SYNDIG1: variants seen among roughly 807,000 people sequenced by gnomAD.
SYNDIG1 encodes the protein synapse differentiation-inducing gene protein 1.
A neutral mutation model predicts 19.4 loss-of-function variants in SYNDIG1; 9 were observed. That is an observed-to-expected ratio of 0.46 (90% CI 0.28 to 0.81). The LOEUF (loss-of-function observed/expected upper bound fraction) is 0.81. Ranked by LOEUF, SYNDIG1 falls within the 30% of genes least tolerant of loss-of-function variation. The pLI is 0.12. For missense variants in SYNDIG1, 311 were observed against 343.3 expected (o/e 0.91, Z 0.74); for synonymous variants, 141 against 145.9 (o/e 0.97, Z 0.24).
intron 2 of SYNDIG1, among the ~76,000 whole-genome samples, chr20:24,545,541 G>T (rs537387685): frequency 6.6e-6 from 1 of 152,226 alleles, no homozygotes; most frequent in South Asian, 2.1e-4. Context: ...GAGGGTCTGG[G>T]GCCCTGAGCT....
chr20:24,567,912 T>A (rs2058078964), intron 2 of SYNDIG1, among the ~76,000 whole-genome samples: 1 of 152,152 alleles, frequency 6.6e-6, no homozygotes, highest in Non-Finnish European at 1.5e-5. Flanking sequence ...GACAGGAGGA[T>A]CATCTGAGGT....
intron 2 of SYNDIG1, among the ~76,000 whole-genome samples, chr20:24,572,487 C>T (rs1283081303): frequency 6.6e-6 from 1 of 152,220 alleles, no homozygotes; most frequent in Non-Finnish European, 1.5e-5. Flanking sequence ...GGGCTGGTGA[C>T]TTTGGCCACT....
intron 3 of SYNDIG1, among the ~76,000 whole-genome samples, chr20:24,590,195 G>T (rs1465563712): frequency 6.6e-6 from 1 of 152,166 alleles, no homozygotes; most frequent in Admixed American, 6.5e-5. Flanking sequence ...GAGCCAGGGG[G>T]AGCCCTTGGG....
intron 3 of SYNDIG1, among the ~76,000 whole-genome samples, chr20:24,629,967 G>T (rs530506908): frequency 1.3e-5 from 2 of 152,166 alleles, no homozygotes; most frequent in Non-Finnish European, 1.5e-5. Context: ...TATACTTTGA[G>T]GTCATGCACA....
At chr20:24,566,327 T>TAATTATATATATTATATATAATTATATAA (rs1464790860) in intron 2 of SYNDIG1, among the ~76,000 whole-genome samples, 1 of 152,174 alleles carries the variant, frequency 6.6e-6, no homozygotes, top group Non-Finnish European at 1.5e-5. Context: ...TAATTAATAT[T>TAATTATATATATTATATATAATTATATAA]TGGCTGATTC....
chr20:24,545,976 G>A (rs751101161), intron 2 of SYNDIG1, among the ~76,000 whole-genome samples: 7 of 152,232 alleles, frequency 4.6e-5, no homozygotes, highest in African/African-American at 7.2e-5. Context: ...CTTTCTGGTC[G>A]GCTTCCAAGG....
At chr20:24,475,792 C>T (rs114547105) in intron 1 of SYNDIG1, among the ~76,000 whole-genome samples, 292 of 152,188 alleles carry the variant, frequency 1.9e-3, no homozygotes, top group African/African-American at 6.5e-3. Context: ...AATTCCTCAC[C>T]GTTTCCATAG....
At chr20:24,480,473 A>G (rs1026418129) in intron 1 of SYNDIG1, among the ~76,000 whole-genome samples, 9 of 152,210 alleles carry the variant, frequency 5.9e-5, no homozygotes, top group African/African-American at 2.2e-4. Flanking sequence ...ACAGAAAATA[A>G]CAAGTGTTGG....
At chr20:24,524,154 T>C (rs1282396324) in intron 1 of SYNDIG1, among the ~76,000 whole-genome samples, 2 of 152,192 alleles carry the variant, frequency 1.3e-5, no homozygotes, top group African/African-American at 4.8e-5. Context: ...TTAAAGGTTT[T>C]TCTCGCAACT....
At chr20:24,565,025 C>T (rs973461550) in intron 2 of SYNDIG1, among the ~76,000 whole-genome samples, 2 of 152,200 alleles carry the variant, frequency 1.3e-5, no homozygotes, top group South Asian at 4.1e-4. Flanking sequence ...GAGGTACCTG[C>T]TATTGTTCAC....
At chr20:24,664,267 G>A (rs1400653681) in intron 3 of SYNDIG1, among the ~76,000 whole-genome samples, 3 of 152,132 alleles carry the variant, frequency 2.0e-5, no homozygotes, top group Non-Finnish European at 2.9e-5. Flanking sequence ...CACTGCAGAG[G>A]TGTTGGTGTG....
Position 24,663,702 on chromosome 20 carries a change from C to G in SYNDIG1, c.619-1644C>G, listed in dbSNP as rs115596515. Among the ~76,000 whole-genome samples the G allele has an allele frequency of 2.5e-3, 382 of 152,324 alleles. 2 individuals are homozygous for G. The highest frequency in any genetic ancestry group is 8.8e-3 in the African/African-American group (366 of 41,572). ...GGGAAGCCCGGCATGGGTGTTCCCACAGGGGTCAGGGAATGAATGCTGCTG... is the reference window on the plus strand; with the variant it reads ...GGGAAGCCCGGCATGGGTGTTCCCAGAGGGGTCAGGGAATGAATGCTGCTG... On this transcript the variant is annotated intron_variant, in intron 3 of 3. Coordinates refer to ENST00000376862, the MANE Select transcript of SYNDIG1 (RefSeq NM_024893.3).
chr20:24,548,552 GAAC>G (rs1163799417), intron 2 of SYNDIG1, among the ~76,000 whole-genome samples: 7 of 152,282 alleles, frequency 4.6e-5, no homozygotes, highest in Non-Finnish European at 8.8e-5. Context: ...GAATGAGACA[GAAC>G]AACAACAAAT....
At chr20:24,499,637 T>C (rs755547042) in intron 1 of SYNDIG1, among the ~76,000 whole-genome samples, 5 of 151,808 alleles carry the variant, frequency 3.3e-5, no homozygotes, top group African/African-American at 4.8e-5. Flanking sequence ...ACGGACTGAG[T>C]CGGTCGGTAC....
chr20:24,593,163 G>T (rs1430341214), intron 3 of SYNDIG1, among the ~76,000 whole-genome samples: 2 of 152,148 alleles, frequency 1.3e-5, no homozygotes, highest in Non-Finnish European at 2.9e-5. Context: ...CATCACCCAG[G>T]TAATAAGCAT....
chr20:24,634,184 T>C (rs1373217918), intron 3 of SYNDIG1, among the ~76,000 whole-genome samples: 2 of 152,334 alleles, frequency 1.3e-5, no homozygotes, highest in East Asian at 3.9e-4. Context: ...CAGTTTTGAT[T>C]TACACGTAGA....
intron 2 of SYNDIG1, among the ~76,000 whole-genome samples, chr20:24,545,052 G>A (rs75842734): frequency 0.025 from 3,740 of 152,272 alleles, 169 homozygotes; most frequent in African/African-American, 0.085. Flanking sequence ...TAGAAAGGCC[G>A]GAGAAATTGC....
chr20:24,645,707 C>T (rs561876719), intron 3 of SYNDIG1, among the ~76,000 whole-genome samples: 146 of 152,302 alleles, frequency 9.6e-4, no homozygotes, highest in Non-Finnish European at 1.7e-3. Context: ...CTGAGAGAGG[C>T]GGAGGCTGGG....
At chr20:24,567,480 G>T (rs2058067701) in intron 2 of SYNDIG1, among the ~76,000 whole-genome samples, 1 of 152,196 alleles carries the variant, frequency 6.6e-6, no homozygotes. Context: ...CCCCAGGATG[G>T]TAAGCCACTC....
Sources: gnomAD v4.1 joint callset for allele counts (sites outside exome capture counted in the v4.1 genomes callset) on GRCh38, gnomAD v4.1.1 for gene constraint, MANE v1.5 for transcripts, NCBI Gene and HGNC (gene_info 2026-07-23, HGNC 2026-07-21) for gene names.